Variants in UNC13C observed in about 807,000 individuals in gnomAD.
The protein encoded by UNC13C is unc-13 homolog C, also known as protein unc-13 homolog C.
UNC13C carries 174 observed loss-of-function variants against 245.4 expected under a neutral mutation model. The observed-to-expected ratio is 0.71, with a 90% confidence interval of 0.63 to 0.80. UNC13C has a LOEUF of 0.80. Ranked by LOEUF, UNC13C falls within the 30% of genes least tolerant of loss-of-function variation. UNC13C has a pLI of 0.00. For missense variants in UNC13C, 2,829 were observed against 2,602.9 expected, an observed-to-expected ratio of 1.09 and a Z score of -1.89; for synonymous variants, 992 against 895.1, an observed-to-expected ratio of 1.11 and a Z score of -1.93.
intron 5 of UNC13C, among the ~76,000 whole-genome samples, chr15:54,236,018 T>C (rs796380443): frequency 1.4e-5 from 2 of 146,746 alleles, no homozygotes; most frequent in South Asian, 4.3e-4. Flanking sequence ...CATTAGATTG[T>C]AAAAAAAAAA....
intron 4 of UNC13C, among the ~76,000 whole-genome samples, chr15:54,170,770 T>C (rs1027186399): frequency 6.6e-6 from 1 of 152,180 alleles, no homozygotes. Flanking sequence ...TTTGTAAGTA[T>C]GTTTTGGCTG....
the UNC13C span, among the ~76,000 whole-genome samples, chr15:53,935,053 T>C: frequency 6.6e-6 from 1 of 152,316 alleles, no homozygotes. Flanking sequence ...GAGAAGAGTT[T>C]TCTCCACATC....
intron 4 of UNC13C, among the ~76,000 whole-genome samples, chr15:54,164,492 A>C (rs960406237): frequency 6.6e-6 from 1 of 152,202 alleles, no homozygotes; most frequent in Admixed American, 6.5e-5. Flanking sequence ...ATAAGTAAAA[A>C]AATCTAAATA....
At chr15:54,457,643 G>A (rs539357371) in intron 19 of UNC13C, among the ~76,000 whole-genome samples, 33 of 151,964 alleles carry the variant, frequency 2.2e-4, no homozygotes, top group African/African-American at 7.5e-4. Flanking sequence ...TATCCTCTAC[G>A]TTTTCCAGTT....
intron 8 of UNC13C, among the ~76,000 whole-genome samples, chr15:54,263,098 A>G (rs911277590): frequency 3.3e-5 from 5 of 152,226 alleles, no homozygotes; most frequent in Middle Eastern, 3.2e-3. Flanking sequence ...TCTCAGAAAT[A>G]TAATAGTTCA....
At chr15:54,219,104 A>G (rs1326522225) in intron 4 of UNC13C, among the ~76,000 whole-genome samples, 1 of 151,466 alleles carries the variant, frequency 6.6e-6, no homozygotes, top group Non-Finnish European at 1.5e-5. Context: ...ACTACTTTAA[A>G]GTTCATATGG....
At chr15:54,024,820 C>T (rs1289071576) in intron 2 of UNC13C, among the ~76,000 whole-genome samples, 2 of 152,090 alleles carry the variant, frequency 1.3e-5, no homozygotes, top group Admixed American at 6.5e-5. Context: ...GAGGCTGAAG[C>T]AGGAGAATGG....
intron 19 of UNC13C, among the ~76,000 whole-genome samples, chr15:54,446,798 A>G (rs1890840608): frequency 6.6e-6 from 1 of 152,146 alleles, no homozygotes; most frequent in Non-Finnish European, 1.5e-5. Flanking sequence ...CTCCTGCCTG[A>G]TTGCCCTGGC....
At chr15:54,544,360 G>A (rs1314564210) in intron 26 of UNC13C, among the ~76,000 whole-genome samples, 1 of 152,120 alleles carries the variant, frequency 6.6e-6, no homozygotes, top group Admixed American at 6.5e-5. Context: ...GGCAAAAGCT[G>A]GAAGCATTCC....
intron 28 of UNC13C, 47 bp downstream of exon 28, chr15:54,549,738 A>G: frequency 7.8e-7 from 1 of 1,279,624 alleles, no homozygotes. Context: ...TAGTGAGTTA[A>G]CTACAGTTCT....
Position 54,091,547 on chromosome 15 carries a change from G to T in UNC13C, c.2984-51471G>T, listed in dbSNP as rs376266023. Among the ~76,000 whole-genome samples the T allele has an allele frequency of 1.9e-3, 287 of 152,010 alleles. 10 individuals are homozygous for T. The South Asian group carries it at 0.058, about 31-fold the overall frequency. On this transcript the variant is annotated intron_variant, in intron 2 of 32. Coordinates refer to ENST00000260323, the MANE Select transcript of UNC13C (RefSeq NM_001080534.3). ...TATTTGAGATTTATTTTCCATCTTT[G>T]TAAATTTTTATATGCTTTAAATTTA...
chr15:54,057,101 C>CA (rs1333478247), intron 2 of UNC13C, among the ~76,000 whole-genome samples: 1 of 152,190 alleles, frequency 6.6e-6, no homozygotes, highest in Non-Finnish European at 1.5e-5. Flanking sequence ...ATCAAATTCA[C>CA]ACATAACAAT....
At chr15:54,340,158 G>A (rs2038694940) in intron 17 of UNC13C, among the ~76,000 whole-genome samples, 1 of 151,886 alleles carries the variant, frequency 6.6e-6, no homozygotes, top group African/African-American at 2.4e-5. Flanking sequence ...TAATTTGTTT[G>A]AGTTTCTTGT....
chr15:54,513,364 A>G (rs1200751373), intron 24 of UNC13C, among the ~76,000 whole-genome samples: 1 of 152,200 alleles, frequency 6.6e-6, no homozygotes, highest in Non-Finnish European at 1.5e-5. Flanking sequence ...TACTTATGCT[A>G]TTTCATTACT....
chr15:54,149,341 C>G (rs1240635516), intron 4 of UNC13C, among the ~76,000 whole-genome samples: 1 of 152,128 alleles, frequency 6.6e-6, no homozygotes, highest in Admixed American at 6.5e-5. Flanking sequence ...TCCTTTCCCT[C>G]CAGAGAACTT....
At chr15:54,109,381 G>A (rs113070045) in intron 2 of UNC13C, among the ~76,000 whole-genome samples, 21 of 115,758 alleles carry the variant, frequency 1.8e-4, no homozygotes, top group African/African-American at 6.7e-4. Context: ...TTGCTCTGTC[G>A]CCCAGGCTAG....
chr15:54,304,825 A>G (rs187399956), intron 13 of UNC13C, among the ~76,000 whole-genome samples: 2 of 152,142 alleles, frequency 1.3e-5, no homozygotes, highest in African/African-American at 4.8e-5. Context: ...ATCCTAAGGA[A>G]ATTACTACCA....
At chr15:53,927,973 A>T in the UNC13C span, among the ~76,000 whole-genome samples, 2,935 of 152,284 alleles carry the variant, frequency 0.019, 61 homozygotes, top group East Asian at 0.07. Flanking sequence ...ACATGTAAGT[A>T]CTCAAAGTTT....
intron 10 of UNC13C, among the ~76,000 whole-genome samples, chr15:54,290,848 G>C (rs577409037): frequency 6.6e-6 from 1 of 152,120 alleles, no homozygotes; most frequent in African/African-American, 2.4e-5. Context: ...TATTGTGCCT[G>C]CTATTTGCAG....
Sources: allele counts gnomAD v4.1 joint callset (sites outside exome capture counted in the v4.1 genomes callset), GRCh38; gene constraint gnomAD v4.1.1; transcripts MANE v1.5; gene names NCBI Gene and HGNC (gene_info 2026-07-23, HGNC 2026-07-21).